SLCO1A2: variants seen among roughly 807,000 people sequenced by gnomAD.
The protein encoded by SLCO1A2 is OATP-1.
A neutral mutation model predicts 69.0 loss-of-function variants in SLCO1A2; 67 were observed. That is an observed-to-expected ratio of 0.97 (90% CI 0.80 to 1.19). The LOEUF (loss-of-function observed/expected upper bound fraction) is 1.19. Ranked by LOEUF, SLCO1A2 falls within the 50% of genes most tolerant of loss-of-function variation. SLCO1A2 has a pLI of 0.00. For missense variants in SLCO1A2, 787 were observed against 793.7 expected (o/e 0.99, Z 0.10); for synonymous variants, 260 against 265.9 (o/e 0.98, Z 0.22).
At chr12:21,396,703 G>C (rs1348748018), upstream of SLCO1A2, among the ~76,000 whole-genome samples, 6 of 152,156 alleles carry the variant, frequency 3.9e-5, no homozygotes, top group Non-Finnish European at 8.8e-5. Context: ...CCAGAAGAGA[G>C]TGGGGGCTAA....
At chr12:21,314,074 T>A (rs1950561120) in intron 4 of SLCO1A2, among the ~76,000 whole-genome samples, 1 of 151,774 alleles carries the variant, frequency 6.6e-6, no homozygotes, top group Admixed American at 6.6e-5. Context: ...AAAGCAGTAA[T>A]AAGTGACAAG....
chr12:21,381,304 C>T (rs1200019042), intron 1 of SLCO1A2, among the ~76,000 whole-genome samples: 4 of 151,550 alleles, frequency 2.6e-5, no homozygotes, highest in Non-Finnish European at 5.9e-5. Context: ...AAAAGGAACT[C>T]GAACAAATCA....
At chr12:21,309,348 A>T (rs1430621933) in intron 4 of SLCO1A2, among the ~76,000 whole-genome samples, 1 of 152,212 alleles carries the variant, frequency 6.6e-6, no homozygotes, top group Non-Finnish European at 1.5e-5. Flanking sequence ...GGCTCCTGGC[A>T]CAATGGAGGA....
At chr12:21,398,299 A>C (rs762559088), upstream of SLCO1A2, among the ~76,000 whole-genome samples, 1 of 150,836 alleles carries the variant, frequency 6.6e-6, no homozygotes, top group Non-Finnish European at 1.5e-5. Context: ...TCCTGGACAC[A>C]TACACTCTCC....
At chr12:21,301,323 A>AGTTC (rs1225753340) in intron 6 of SLCO1A2, 54 bp from the exon 7 acceptor site, 5 of 1,220,518 alleles carry the variant, frequency 4.1e-6, no homozygotes, top group African/African-American at 3.1e-5. Context: ...CCACATAAAG[A>AGTTC]GTTCTAGGTC....
chr12:21,329,064 C>T (rs943828176), intron 2 of SLCO1A2, among the ~76,000 whole-genome samples: 5 of 152,180 alleles, frequency 3.3e-5, no homozygotes, highest in South Asian at 2.1e-4. Flanking sequence ...TGAATAACCT[C>T]GTATACATTT....
At chr12:21,280,246 T>G (rs1944546443) in intron 12 of SLCO1A2, among the ~76,000 whole-genome samples, 1 of 152,104 alleles carries the variant, frequency 6.6e-6, no homozygotes, top group South Asian at 2.1e-4. Context: ...AATAAGATTA[T>G]TTAATGTAAA....
chr12:21,354,896 A>G (rs1938240471), intron 2 of SLCO1A2: 1 of 151,772 alleles, frequency 6.6e-6, no homozygotes, highest in African/African-American at 2.4e-5. Flanking sequence ...TTCCTGGGAT[A>G]CTCTTTGTCT....
intron 1 of SLCO1A2, among the ~76,000 whole-genome samples, chr12:21,393,443 G>C (rs987653570): frequency 1.3e-5 from 2 of 152,142 alleles, no homozygotes; most frequent in African/African-American, 4.8e-5. Flanking sequence ...AATTGTGAAA[G>C]AAATTCTAAT....
chr12:21,413,242 T>TCTTTTTTC (rs1555133922), intron 1 of SLCO1A2, among the ~76,000 whole-genome samples: 2 of 127,242 alleles, frequency 1.6e-5, no homozygotes, highest in East Asian at 4.2e-4. Flanking sequence ...TTTTTCTTTT[T>TCTTTTTTC]TTTTTTTTTT....
chr12:21,335,930 T>C (rs998755782), upstream of SLCO1A2, among the ~76,000 whole-genome samples: 1 of 152,156 alleles, frequency 6.6e-6, no homozygotes, highest in African/African-American at 2.4e-5. Flanking sequence ...AGTATGTTTC[T>C]GTGGAAGATA....
intron 4 of SLCO1A2, among the ~76,000 whole-genome samples, chr12:21,310,665 C>T (rs994606379): frequency 3.9e-5 from 6 of 152,212 alleles, no homozygotes; most frequent in African/African-American, 7.2e-5. Context: ...GCAAGTGGCA[C>T]GATCTCGGCG....
intron 10 of SLCO1A2, chr12:21,294,313 G>A: frequency 2.6e-6 from 1 of 387,882 alleles, no homozygotes; most frequent in Non-Finnish European, 4.6e-6. Context: ...CTCCTTCAAT[G>A]ATTTATCTCA....
intron 7 of SLCO1A2, 36 bp from the exon 8 acceptor site, chr12:21,300,605 T>A: frequency 6.8e-7 from 1 of 1,460,632 alleles, no homozygotes; most frequent in Middle Eastern, 1.8e-4. Flanking sequence ...TTAGCTTAAG[T>A]CAGTATTTTC....
chr12:21,375,767 A>T (rs1940149250), intron 1 of SLCO1A2, among the ~76,000 whole-genome samples: 1 of 152,200 alleles, frequency 6.6e-6, no homozygotes, highest in Non-Finnish European at 1.5e-5. Flanking sequence ...GCAATTTAAG[A>T]GTTATACTTT....
chr12:21,327,455 G>T (rs1009279810), intron 2 of SLCO1A2, among the ~76,000 whole-genome samples: 1 of 152,188 alleles, frequency 6.6e-6, no homozygotes, highest in Non-Finnish European at 1.5e-5. Flanking sequence ...CCATGCACTT[G>T]GAAAAGCCAC....
chr12:21,374,744 T>C (rs1392491457), intron 1 of SLCO1A2, among the ~76,000 whole-genome samples: 2 of 152,200 alleles, frequency 1.3e-5, no homozygotes, highest in Admixed American at 1.3e-4. Flanking sequence ...TATATCTTGA[T>C]ACTTTCTTTC....
rs142414066 is a variant in SLCO1A2 at position 21,297,604 on chromosome 12, T to C, written c.911-36A>G. On this transcript the variant is annotated intron_variant, in intron 8 of 14. Coordinates refer to ENST00000683939, the MANE Select transcript of SLCO1A2 (RefSeq NM_001386879.1). ...AGAATGACAACTGTGTCAAACGAAC[T>C]TGGCTTTGCATTTTGTGACTGGCTT... The C allele has an allele frequency of 3.6e-4, 519 of 1,446,498 alleles. 2 individuals carry two copies. In the African/African-American group the frequency reaches 6.6e-3, roughly 18 times the overall value. The allele number at this position is 1,446,498 out of a possible 1,614,324, so 89.6% of individuals were successfully genotyped here.
At chr12:21,408,517 ACTC>A (rs1270136831) in intron 1 of SLCO1A2, among the ~76,000 whole-genome samples, 1 of 151,912 alleles carries the variant, frequency 6.6e-6, no homozygotes, top group African/African-American at 2.4e-5. Context: ...CTGTGCTCAT[ACTC>A]CTCTTCAATT....
Sources: allele counts gnomAD v4.1 joint callset (sites outside exome capture counted in the v4.1 genomes callset), GRCh38; gene constraint gnomAD v4.1.1; transcripts MANE v1.5; gene names NCBI Gene and HGNC (gene_info 2026-07-23, HGNC 2026-07-21).